Variants in ENTREP2 observed in about 807,000 individuals in gnomAD.
The protein encoded by ENTREP2 is protein ENTREP2.
At chr15:29,188,545 T>C in the ENTREP2 span, among the ~76,000 whole-genome samples, 2 of 152,322 alleles carry the variant, frequency 1.3e-5, no homozygotes, top group African/African-American at 4.8e-5. Flanking sequence ...TTTCTGAGAA[T>C]GATGGTTTCC....
At chr15:29,597,441 G>C in the ENTREP2 span, among the ~76,000 whole-genome samples, 5 of 151,908 alleles carry the variant, frequency 3.3e-5, no homozygotes, top group African/African-American at 1.2e-4. Flanking sequence ...GGTAGTGAAC[G>C]CCTGTAATCC....
chr15:29,216,715 C>T, the ENTREP2 span, among the ~76,000 whole-genome samples: 2 of 152,142 alleles, frequency 1.3e-5, no homozygotes, highest in Non-Finnish European at 2.9e-5. Flanking sequence ...CCTATTGACT[C>T]ATTAGCAATA....
the ENTREP2 span, among the ~76,000 whole-genome samples, chr15:29,283,144 G>C: frequency 6.6e-6 from 1 of 152,206 alleles, no homozygotes; most frequent in African/African-American, 2.4e-5. Context: ...AGTGGGGTCA[G>C]CTGGCCAATC....
the ENTREP2 span, among the ~76,000 whole-genome samples, chr15:29,547,460 C>T: frequency 6.6e-6 from 1 of 152,136 alleles, no homozygotes; most frequent in African/African-American, 2.4e-5. Context: ...ATAAAATGGT[C>T]AACAAGCATA....
chr15:29,349,149 G>A, the ENTREP2 span, among the ~76,000 whole-genome samples: 3 of 152,088 alleles, frequency 2.0e-5, no homozygotes, highest in Admixed American at 6.5e-5. Flanking sequence ...CACAACTCCC[G>A]TGGCCCTGCA....
At chr15:29,326,472 C>A in the ENTREP2 span, among the ~76,000 whole-genome samples, 1 of 152,002 alleles carries the variant, frequency 6.6e-6, no homozygotes, top group South Asian at 2.1e-4. Context: ...TTAAACACTG[C>A]ACCAAGAAAA....
At chr15:29,587,227 T>G in the ENTREP2 span, among the ~76,000 whole-genome samples, 1 of 146,278 alleles carries the variant, frequency 6.8e-6, no homozygotes, top group African/African-American at 2.5e-5. Context: ...CTAGAAACAA[T>G]GACCAACCCA....
chr15:29,346,242 A>G, the ENTREP2 span, among the ~76,000 whole-genome samples: 3 of 152,204 alleles, frequency 2.0e-5, no homozygotes. Context: ...GGCAGAAGCC[A>G]GGGAAGCAGA....
the ENTREP2 span, chr15:29,128,902 C>T: frequency 2.9e-4 from 429 of 1,458,492 alleles, 3 homozygotes; most frequent in African/African-American, 4.3e-3. Context: ...GCGGCTGGTC[C>T]GTGGGAACGC....
the ENTREP2 span, among the ~76,000 whole-genome samples, chr15:29,379,321 G>A: frequency 2.0e-5 from 3 of 152,194 alleles, no homozygotes; most frequent in Non-Finnish European, 4.4e-5. Context: ...GCCTGACCTG[G>A]ACAGGGGCCA....
chr15:29,240,189 CCT>C, the ENTREP2 span, among the ~76,000 whole-genome samples: 703 of 152,014 alleles, frequency 4.6e-3, 3 homozygotes, highest in African/African-American at 0.016. Context: ...ATGTAGAAAC[CCT>C]GTCTCTACTA....
the ENTREP2 span, among the ~76,000 whole-genome samples, chr15:29,577,345 T>A: frequency 9.2e-3 from 1,236 of 133,962 alleles, 49 homozygotes; most frequent in East Asian, 0.12. Context: ...TGTGTGTGTG[T>A]GTGTGAGAGA....
the ENTREP2 span, among the ~76,000 whole-genome samples, chr15:29,295,768 T>G: frequency 6.6e-6 from 1 of 152,142 alleles, no homozygotes; most frequent in Admixed American, 6.6e-5. Flanking sequence ...GTGGACAGCC[T>G]GGAGACGCTG....
the ENTREP2 span, among the ~76,000 whole-genome samples, chr15:29,368,337 A>AAATATAT: frequency 9.9e-3 from 1,449 of 146,122 alleles, 15 homozygotes; most frequent in East Asian, 0.028. Flanking sequence ...CAAAAAAAAA[A>AAATATAT]ATATATATAT....
the ENTREP2 span, among the ~76,000 whole-genome samples, chr15:29,377,415 C>T: frequency 1.3e-5 from 2 of 152,010 alleles, no homozygotes; most frequent in South Asian, 4.1e-4. Flanking sequence ...TGGAGAAGAG[C>T]CAGCTTTTTG....
the ENTREP2 span, among the ~76,000 whole-genome samples, chr15:29,220,127 G>C: frequency 1.3e-5 from 2 of 152,234 alleles, no homozygotes; most frequent in African/African-American, 4.8e-5. Context: ...CCACCTGCCT[G>C]ATTTCTAGGG....
chr15:29,168,846 A>AACC, the ENTREP2 span, among the ~76,000 whole-genome samples: 1 of 152,186 alleles, frequency 6.6e-6, no homozygotes, highest in Non-Finnish European at 1.5e-5. Flanking sequence ...GGGAGTTCAC[A>AACC]CACTCTCCGC....
chr15:29,464,967 G>T, the ENTREP2 span, among the ~76,000 whole-genome samples: 3 of 152,064 alleles, frequency 2.0e-5, no homozygotes, highest in African/African-American at 7.2e-5. Flanking sequence ...CAAATGTTCC[G>T]CAATTTGGTA....
chr15:29,541,493 C>T, the ENTREP2 span, among the ~76,000 whole-genome samples: 9 of 152,204 alleles, frequency 5.9e-5, no homozygotes, highest in East Asian at 1.2e-3. Context: ...GGCAGGAATG[C>T]GGGCTGGGAG....
Sources: gnomAD v4.1 joint callset for allele counts (sites outside exome capture counted in the v4.1 genomes callset) on GRCh38, gnomAD v4.1.1 for gene constraint, MANE v1.5 for transcripts, NCBI Gene and HGNC (gene_info 2026-07-23, HGNC 2026-07-21) for gene names.